Variants in GLI2 observed in about 807,000 individuals in gnomAD.
GLI2 encodes the protein GLI family zinc finger 2.
Under a neutral mutation model 78.9 loss-of-function variants are expected in GLI2, and 22 were observed. The ratio of observed to expected loss-of-function variants is 0.28; its 90% confidence interval spans 0.20 to 0.40. GLI2 has a LOEUF of 0.40. Among genes scored for constraint, GLI2 ranks in the 10% least tolerant of loss-of-function variants. GLI2 has a pLI of 1.00. For synonymous variants in GLI2, 974 were observed against 963.7 expected (o/e 1.01, Z -0.20); for missense variants, 2,097 against 2,213.2 (o/e 0.95, Z 1.05).
intron 3 of GLI2, among the ~76,000 whole-genome samples, chr2:120,936,541 A>G (rs998824649): frequency 6.6e-6 from 1 of 152,136 alleles, no homozygotes. Flanking sequence ...ACCAAGCCAG[A>G]GCTCTTCCCT....
Position 120,737,362 on chromosome 2 carries a change from G to T in GLI2, c.-31+1077G>T, listed in dbSNP as rs1682397141. On this transcript the variant is annotated intron_variant, in intron 1 of 13. Transcript: ENST00000361492. This position sits in a 1 kb window ranked among gnomAD's most constrained non-coding sequence, Gnocchi z 4.3. ...GCGCGGGGAGCTGGGGATGGAGCCC[G>T]TGCGCCTCACCCTGGGTGATCGGTC... Among the ~76,000 whole-genome samples, 3 of 152,106 alleles carry T rather than the reference G, an allele frequency of 2.0e-5. No homozygotes were observed. In the South Asian group the frequency reaches 6.2e-4, roughly 32 times the overall value.
chr2:120,837,393 CAAAAAA>C (rs768947767), intron 2 of GLI2, among the ~76,000 whole-genome samples: 3 of 76,990 alleles, frequency 3.9e-5, no homozygotes, highest in African/African-American at 1.4e-4. Flanking sequence ...GACTCCATCT[CAAAAAA>C]AAAAAAAAAA....
intron 2 of GLI2, among the ~76,000 whole-genome samples, chr2:120,812,988 C>T (rs575564205): frequency 1.7e-4 from 26 of 151,836 alleles, no homozygotes; most frequent in East Asian, 3.9e-4. Context: ...AGGGAAAGAG[C>T]GCTGGTCTGG....
At chr2:120,858,391 T>G (rs1417000053) in intron 2 of GLI2, among the ~76,000 whole-genome samples, 1 of 152,240 alleles carries the variant, frequency 6.6e-6, no homozygotes, top group Non-Finnish European at 1.5e-5. Context: ...ATTTGAAGAC[T>G]GATCAAGGCT....
chr2:120,990,325 T>C lies in GLI2; in HGVS notation c.4360T>C (p.Ser1454Pro), dbSNP rs757602988. ...ENLGSCQVMR[S>P]QPPQPQACQD... is the part of the protein sequence containing the mutation. ...CCTCGGGAGCTGCCAGGTCATGCGG[T>C]CCCAGCCACCACAGCCACAGGCCTG... is the stretch of plus-strand genomic sequence containing the variant. Residue 1454 changes from serine (S) to proline (P), a missense_variant, in exon 14 of 14, where the codon TCC (serine) becomes CCC (proline). Transcript: ENST00000361492. The C allele has an allele frequency of 1.9e-5, 30 of 1,613,696 alleles. No homozygotes were observed. Among genetic ancestry groups the C allele is most frequent in the Non-Finnish European group, 2.5e-5 (30 of 1,180,028 alleles).
At chr2:120,821,256 A>T (rs1685760774) in intron 2 of GLI2, among the ~76,000 whole-genome samples, 1 of 151,970 alleles carries the variant, frequency 6.6e-6, no homozygotes, top group South Asian at 2.1e-4. Context: ...GGCTTCATGG[A>T]TAGAGTTTAC....
intron 2 of GLI2, among the ~76,000 whole-genome samples, chr2:120,820,743 C>CT (rs1004442091): frequency 6.6e-6 from 1 of 152,172 alleles, no homozygotes; most frequent in Non-Finnish European, 1.5e-5. Context: ...GAGAGGGTAG[C>CT]TTTTTTTCTA....
At chr2:120,922,038 C>T (rs1013682984) in intron 2 of GLI2, among the ~76,000 whole-genome samples, 31 of 152,200 alleles carry the variant, frequency 2.0e-4, no homozygotes, top group African/African-American at 7.2e-4. Context: ...CTTCATCCCC[C>T]TCTGACACTA....
chr2:120,746,042 C>T (rs561013498), intron 1 of GLI2, among the ~76,000 whole-genome samples: 4 of 152,306 alleles, frequency 2.6e-5, no homozygotes, highest in Admixed American at 1.3e-4. Context: ...CCCCTGGGCC[C>T]GTAGGACCTG....
chr2:120,866,223 G>T, intron 2 of GLI2, among the ~76,000 whole-genome samples: 1 of 152,348 alleles, frequency 6.6e-6, no homozygotes. Context: ...CTTGGCCACA[G>T]TCAGAGGGTC....
Position 120,983,946 on chromosome 2 carries a change from G to GGGTGTGTGT in GLI2, c.1633-524_1633-523insGTGTGTGTG, listed in dbSNP as rs112474343. Reference sequence around the variant, plus strand: ...GTTTTTCTGTAGACGTGGTGTGTGGGGTGTGTGTGTGTGTGTGTGTGTGTG... The same window carrying GGGTGTGTGT: ...GTTTTTCTGTAGACGTGGTGTGTGGGGGTGTGTGTGTGTGTGTGTGTGTGTGTGTGTGTG... On this transcript the variant is annotated intron_variant, in intron 11 of 13. Transcript: ENST00000361492. Among the ~76,000 whole-genome samples the GGGTGTGTGT allele has an allele frequency of 1.2e-3, 173 of 143,206 alleles. 2 individuals are homozygous for GGGTGTGTGT. Among genetic ancestry groups the GGGTGTGTGT allele is most frequent in the South Asian group, 7.5e-3 (32 of 4,280 alleles). The allele number at this position is 143,206 out of a possible 152,430, so 93.9% of individuals were successfully genotyped here.
At chr2:120,834,831 T>C (rs969119517) in intron 2 of GLI2, among the ~76,000 whole-genome samples, 1 of 149,150 alleles carries the variant, frequency 6.7e-6, no homozygotes, top group African/African-American at 2.6e-5. Context: ...ATGATCCTGG[T>C]GTTGTTCTGG....
At chr2:120,825,374 A>G (rs13387683) in intron 2 of GLI2, among the ~76,000 whole-genome samples, 17,423 of 142,940 alleles carry the variant, frequency 0.12, 1,080 homozygotes, top group African/African-American at 0.2. Flanking sequence ...GGAGTGTGCA[A>G]CTGGCTGTGA....
intron 5 of GLI2, among the ~76,000 whole-genome samples, chr2:120,964,667 G>A (rs1248443057): frequency 6.6e-6 from 1 of 152,248 alleles, no homozygotes; most frequent in African/African-American, 2.4e-5. Flanking sequence ...CCAGGCACAG[G>A]GCAGGAGTGT....
chr2:120,764,534 GT>G (rs564091864), intron 1 of GLI2, among the ~76,000 whole-genome samples: 57 of 152,350 alleles, frequency 3.7e-4, no homozygotes, highest in African/African-American at 1.3e-3. Context: ...TCACAGCTGG[GT>G]ATTGGAGGGA....
At chr2:120,934,671 C>T (rs1344360050) in intron 3 of GLI2, among the ~76,000 whole-genome samples, 3 of 152,198 alleles carry the variant, frequency 2.0e-5, no homozygotes, top group Non-Finnish European at 4.4e-5. Flanking sequence ...CTTGGTCACG[C>T]AAAATGCATA....
rs551042841 is a variant in GLI2 at position 120,910,173 on chromosome 2, G to A, written c.149-17188G>A. On this transcript the variant is annotated intron_variant, in intron 2 of 13. Coordinates refer to ENST00000361492, the MANE Select transcript of GLI2 (RefSeq NM_001374353.1). Reference sequence around the variant, plus strand: ...GGGCATCTGGTCCACCCCTGCCCATGAGGCCTATGTCCATCCCACAACTTA... The same window carrying A: ...GGGCATCTGGTCCACCCCTGCCCATAAGGCCTATGTCCATCCCACAACTTA... 1.1e-4 allele frequency among the ~76,000 whole-genome samples: 16 copies of A among 152,222 alleles called. No homozygotes were observed. In the South Asian group the frequency reaches 2.5e-3, roughly 24 times the overall value.
At chr2:120,844,471 T>C (rs1393410464) in intron 2 of GLI2, among the ~76,000 whole-genome samples, 1 of 152,204 alleles carries the variant, frequency 6.6e-6, no homozygotes, top group Non-Finnish European at 1.5e-5. Context: ...CTCCGTCCCT[T>C]CCTGTCACTT....
At chr2:120,787,967 C>G (rs116097911) in intron 1 of GLI2, among the ~76,000 whole-genome samples, 1 of 152,170 alleles carries the variant, frequency 6.6e-6, no homozygotes, top group African/African-American at 2.4e-5. Context: ...ATGGGACTGT[C>G]GTGTCAATTC....
Sources: allele counts gnomAD v4.1 joint callset (sites outside exome capture counted in the v4.1 genomes callset), GRCh38; gene constraint gnomAD v4.1.1; non-coding constraint Gnocchi (gnomAD v3.1); transcripts MANE v1.5; gene names NCBI Gene and HGNC (gene_info 2026-07-23, HGNC 2026-07-21).